Variants in KIF14 observed in about 807,000 individuals in gnomAD.
KIF14 encodes the protein kinesin family member 14.
A neutral mutation model predicts 176.2 loss-of-function variants in KIF14; 98 were observed. That is an observed-to-expected ratio of 0.56 (90% CI 0.47 to 0.66). The LOEUF (loss-of-function observed/expected upper bound fraction) is 0.66, where lower values mean the gene tolerates loss of function less well. KIF14 is among the 30% of genes least tolerant of loss of function. The pLI is 0.00. For synonymous variants in KIF14, 566 were observed against 632.2 expected (o/e 0.90, Z 1.57); for missense variants, 1,751 against 1,920.4 (o/e 0.91, Z 1.65).
At chr1:200,609,977 A>C (rs1338419284) in intron 4 of KIF14, among the ~76,000 whole-genome samples, 3 of 152,250 alleles carry the variant, frequency 2.0e-5, no homozygotes, top group Non-Finnish European at 4.4e-5. Context: ...CATTTATATG[A>C]AATTTCCAGA....
intron 11 of KIF14, among the ~76,000 whole-genome samples, chr1:200,600,747 G>A (rs1260147002): frequency 6.6e-6 from 1 of 152,120 alleles, no homozygotes; most frequent in African/African-American, 2.4e-5. Flanking sequence ...GCTGTATAAT[G>A]TACTGACCAA....
intron 7 of KIF14, 61 bp from the exon 8 acceptor site, chr1:200,605,451 T>A (rs2102743423): frequency 8.4e-7 from 1 of 1,194,424 alleles, no homozygotes; most frequent in African/African-American, 1.5e-5. Context: ...ATATAAAAAT[T>A]AAGAGAGACA....
intron 18 of KIF14, among the ~76,000 whole-genome samples, chr1:200,586,773 G>A (rs1283443557): frequency 9.6e-6 from 1 of 103,740 alleles, no homozygotes; most frequent in South Asian, 3.2e-4. Context: ...AAAATATGGT[G>A]TATATATATA....
At chr1:200,607,055 C>A (rs1051787053) in intron 5 of KIF14, among the ~76,000 whole-genome samples, 1 of 113,492 alleles carries the variant, frequency 8.8e-6, no homozygotes, top group Non-Finnish European at 1.7e-5. Flanking sequence ...TTTTTTTATT[C>A]TTAAAAAACT....
At chr1:200,613,448 A>T (rs1337052434) in intron 4 of KIF14, among the ~76,000 whole-genome samples, 3 of 152,246 alleles carry the variant, frequency 2.0e-5, no homozygotes, top group Non-Finnish European at 4.4e-5. Context: ...GTTCTATTAG[A>T]GCATCTACTT....
At chr1:200,570,827 T>C (rs898615078) in intron 22 of KIF14, among the ~76,000 whole-genome samples, 3 of 152,144 alleles carry the variant, frequency 2.0e-5, no homozygotes, top group African/African-American at 7.2e-5. Flanking sequence ...TGTGGGGGTT[T>C]GGTCTACAGA....
chr1:200,563,706 C>A (rs1657285739), intron 25 of KIF14, among the ~76,000 whole-genome samples: 1 of 152,098 alleles, frequency 6.6e-6, no homozygotes, highest in South Asian at 2.1e-4. Context: ...CCATTAATTT[C>A]TTATCTGCTC....
intron 9 of KIF14, 72 bp from the exon 10 acceptor site, chr1:200,603,413 T>C: frequency 1.3e-6 from 1 of 749,088 alleles, no homozygotes; most frequent in Non-Finnish European, 2.3e-6. Context: ...CAAAATATAT[T>C]TCTCCCCTCA....
chr1:200,555,282 TG>T lies in KIF14; in HGVS notation c.4428+97del, dbSNP rs1447170616. The stretch of plus-strand genomic sequence containing the variant: ...TAGACATATACAAAAGAGTTGTCTC[TG>T]GCTAAGGATAAACACTGAAATAAAA... On this transcript the variant is annotated intron_variant, in intron 28 of 29. Coordinates refer to ENST00000367350, the MANE Select transcript of KIF14 (RefSeq NM_014875.3). The T allele has an allele frequency of 5.3e-6, 4 of 753,396 alleles. No homozygotes were observed. In the African/African-American group the frequency reaches 7.4e-5, roughly 14 times the overall value. 46.7% of individuals were successfully genotyped at this position (753,396 alleles called of 1,614,324 possible). A position where few individuals can be genotyped will look rare whatever the true frequency, so the allele number is the denominator to read the frequency against.
At chr1:200,580,965 C>A (rs1374916746) in intron 20 of KIF14, among the ~76,000 whole-genome samples, 1 of 151,786 alleles carries the variant, frequency 6.6e-6, no homozygotes, top group African/African-American at 2.4e-5. Context: ...CAGAAATTAG[C>A]TGGGTGTGGT....
Position 200,580,281 on chromosome 1 carries a change from T to C in KIF14, c.3438A>G (p.Lys1146=). 1 of 1,479,856 alleles carries C rather than the reference T, an allele frequency of 6.8e-7. No homozygotes were observed. Among genetic ancestry groups the C allele is most frequent in the Non-Finnish European group, 9.0e-7 (1 of 1,105,404 alleles). 91.7% of individuals were successfully genotyped at this position (1,479,856 alleles called of 1,614,324 possible). Reference sequence around the variant, plus strand: ...CATAAAGTTCTTTCATTGCTGCAAGTTTAGATTCAAACTTTTCCAGACTCC... The same window carrying C: ...CATAAAGTTCTTTCATTGCTGCAAGCTTAGATTCAAACTTTTCCAGACTCC... ...TFWSLEKFES[K]LAAMKELYES... Residue 1146 remains lysine, a synonymous_variant, in exon 21 of 30, where the codon AAA becomes AAG. Transcript: ENST00000367350.
chr1:200,590,033 T>A (rs570319778), intron 17 of KIF14, 92 bp downstream of exon 17: 1 of 1,275,764 alleles, frequency 7.8e-7, no homozygotes, highest in South Asian at 1.4e-5. Context: ...TCTCTCCCAG[T>A]TCCCTTATAG....
Position 200,618,448 on chromosome 1 carries a change from C to T in KIF14, c.276G>A (p.Arg92=). The T allele has an allele frequency of 1.2e-6, 2 of 1,614,170 alleles. No individual in the cohort carries two copies. Among genetic ancestry groups the T allele is most frequent in the Non-Finnish European group, 1.7e-6 (2 of 1,180,016 alleles). ...PNPVGRLALQ[R]RTTRNKESSL... Reference sequence around the variant, plus strand: ...ATGATTCTTTGTTCCTTGTAGTTCTCCTCTGAAGTGCCAATCTACCTACAG... The same window carrying T: ...ATGATTCTTTGTTCCTTGTAGTTCTTCTCTGAAGTGCCAATCTACCTACAG... The change falls in exon 2 of 30, where the codon AGG becomes AGA. Residue 92 remains arginine (R), a synonymous_variant. Transcript: ENST00000367350.
intron 10 of KIF14, among the ~76,000 whole-genome samples, chr1:200,602,516 T>C (rs1659675761): frequency 6.6e-6 from 1 of 152,176 alleles, no homozygotes; most frequent in Non-Finnish European, 1.5e-5. Context: ...TTAAAACATA[T>C]ATTAGTGCAG....
chr1:200,604,530 C>CAATAAATAAAGAAAATAAAGAAATA (rs1408071159), intron 8 of KIF14, among the ~76,000 whole-genome samples: 2 of 151,924 alleles, frequency 1.3e-5, no homozygotes, highest in Non-Finnish European at 2.9e-5. Flanking sequence ...AAGGAAATAA[C>CAATAAATAAAGAAAATAAAGAAATA]AATAAATAAA....
chr1:200,590,656 T>C (rs1659007165), intron 16 of KIF14, among the ~76,000 whole-genome samples: 2 of 152,216 alleles, frequency 1.3e-5, no homozygotes, highest in African/African-American at 4.8e-5. Context: ...GGCTATTGTT[T>C]AACAAATACA....
At chr1:200,589,448 G>A in intron 17 of KIF14, 79 bp from the exon 18 acceptor site, 1 of 1,215,366 alleles carries the variant, frequency 8.2e-7, no homozygotes, top group Non-Finnish European at 1.1e-6. Context: ...TTTAACCAAT[G>A]TACAAGAAAT....
intron 19 of KIF14, 41 bp from the exon 20 acceptor site, chr1:200,581,335 G>T: frequency 3.5e-6 from 4 of 1,154,522 alleles, no homozygotes; most frequent in Non-Finnish European, 3.8e-6. Context: ...ATACATACAT[G>T]GACACTAACA....
rs74935504 is a variant in KIF14, at chr1:200,590,731, G to A, written c.2814-459C>T. On this transcript the variant is annotated intron_variant, in intron 16 of 29. Coordinates refer to ENST00000367350, the MANE Select transcript of KIF14 (RefSeq NM_014875.3). ...ATGATGGTGATGGTTGCACAACAAC[G>A]TGAAGGCACTAGGGTGGGCACAGTG... Among the ~76,000 whole-genome samples the A allele has an allele frequency of 5.3e-3, 806 of 152,226 alleles. 1 individual carries two copies. The highest frequency in any genetic ancestry group is 0.01 in the Middle Eastern group (3 of 294).
Sources: gnomAD v4.1 joint callset for allele counts (sites outside exome capture counted in the v4.1 genomes callset) on GRCh38, gnomAD v4.1.1 for gene constraint, MANE v1.5 for transcripts, NCBI Gene and HGNC (gene_info 2026-07-23, HGNC 2026-07-21) for gene names.